Variants in SMARCC1 observed in about 807,000 individuals in gnomAD.
SMARCC1 encodes SWI/SNF related BAF chromatin remodeling complex subunit C1.
A neutral mutation model predicts 147.4 loss-of-function variants in SMARCC1; 43 were observed. The observed-to-expected ratio is 0.29, with a 90% CI of 0.23 to 0.38. SMARCC1 has a LOEUF of 0.38. SMARCC1 is among the 10% of genes least tolerant of loss of function. The pLI is 1.00. For synonymous variants in SMARCC1, 495 were observed against 484.4 expected (o/e 1.02, Z -0.29); for missense variants, 1,119 against 1,381.1 (o/e 0.81, Z 3.01).
intron 22 of SMARCC1, among the ~76,000 whole-genome samples, chr3:47,637,382 G>A (rs1212075123): frequency 1.3e-5 from 2 of 152,030 alleles, no homozygotes; most frequent in East Asian, 3.9e-4. Flanking sequence ...AATAGTGACT[G>A]ACTGATCCCT....
At chr3:47,698,982 T>C (rs1344376885) in intron 11 of SMARCC1, among the ~76,000 whole-genome samples, 34 of 152,274 alleles carry the variant, frequency 2.2e-4, no homozygotes, top group Admixed American at 2.2e-3. Flanking sequence ...AATACCTATG[T>C]GGGGAATAAA....
At chr3:47,633,231 T>G (rs1310759790) in intron 24 of SMARCC1, among the ~76,000 whole-genome samples, 1 of 152,140 alleles carries the variant, frequency 6.6e-6, no homozygotes, top group African/African-American at 2.4e-5. Flanking sequence ...GGCTGCGGGT[T>G]AGAGAATGGG....
intron 25 of SMARCC1, among the ~76,000 whole-genome samples, chr3:47,612,854 G>C (rs1229973297): frequency 6.6e-6 from 1 of 152,182 alleles, no homozygotes; most frequent in African/African-American, 2.4e-5. Flanking sequence ...TATGAGTTGA[G>C]AGCAATGCCC....
chr3:47,650,073 G>A (rs1576398820), intron 21 of SMARCC1, among the ~76,000 whole-genome samples: 1 of 151,636 alleles, frequency 6.6e-6, no homozygotes, highest in Non-Finnish European at 1.5e-5. Flanking sequence ...TCAGGAGATC[G>A]AGATCATCCT....
intron 3 of SMARCC1, among the ~76,000 whole-genome samples, chr3:47,741,750 A>C (rs1237418103): frequency 6.6e-6 from 1 of 151,746 alleles, no homozygotes. Context: ...TTATTTTACT[A>C]TTATTTTAAA....
chr3:47,728,078 CTTT>C (rs1166964500), intron 6 of SMARCC1, among the ~76,000 whole-genome samples: 6 of 56,874 alleles, frequency 1.1e-4, no homozygotes, highest in East Asian at 7.0e-4. Context: ...TTATTAGTCC[CTTT>C]TTTTTTTTTT....
chr3:47,772,754 T>A (rs2034929966), intron 2 of SMARCC1, 63 bp downstream of exon 2: 1 of 1,430,666 alleles, frequency 7.0e-7, no homozygotes, highest in Admixed American at 2.2e-5. Flanking sequence ...AAAAGCTGGA[T>A]GCTACACCTA....
intron 2 of SMARCC1, among the ~76,000 whole-genome samples, chr3:47,765,192 A>G (rs1464245977): frequency 2.0e-5 from 3 of 151,944 alleles, no homozygotes; most frequent in Non-Finnish European, 2.9e-5. Context: ...CAGAGGTTGC[A>G]GTAAGCCGAG....
At chr3:47,592,015 C>G (rs2032191533) in intron 26 of SMARCC1, among the ~76,000 whole-genome samples, 2 of 152,144 alleles carry the variant, frequency 1.3e-5, no homozygotes, top group Admixed American at 6.5e-5. Flanking sequence ...CTGTATGAAA[C>G]TGAATATAGG....
intron 2 of SMARCC1, among the ~76,000 whole-genome samples, chr3:47,766,549 G>A (rs2034843078): frequency 6.6e-6 from 1 of 152,128 alleles, no homozygotes; most frequent in Non-Finnish European, 1.5e-5. Context: ...ACTCCAGCCT[G>A]AGTGACAGAG....
intron 2 of SMARCC1, among the ~76,000 whole-genome samples, chr3:47,766,372 T>G (rs2034839667): frequency 6.6e-6 from 1 of 150,824 alleles, no homozygotes; most frequent in African/African-American, 2.4e-5. Context: ...TCGAGAACAG[T>G]CTGGGCAACA....
intron 14 of SMARCC1, among the ~76,000 whole-genome samples, chr3:47,685,331 T>G (rs899694850): frequency 6.6e-6 from 1 of 152,168 alleles, no homozygotes; most frequent in Non-Finnish European, 1.5e-5. Context: ...AACGGAAAAT[T>G]ATGAATTGTT....
At chr3:47,667,173 C>G (rs2033430791) in intron 19 of SMARCC1, among the ~76,000 whole-genome samples, 1 of 151,892 alleles carries the variant, frequency 6.6e-6, no homozygotes, top group Non-Finnish European at 1.5e-5. Context: ...AAAAAATTAG[C>G]CGGGCATGGT....
intron 12 of SMARCC1, among the ~76,000 whole-genome samples, chr3:47,691,845 C>T (rs1181099747): frequency 6.6e-6 from 1 of 151,840 alleles, no homozygotes; most frequent in African/African-American, 2.4e-5. Flanking sequence ...ACTAATAATA[C>T]AAAAATTAGC....
At chr3:47,769,504 G>C (rs925055218) in intron 2 of SMARCC1, among the ~76,000 whole-genome samples, 4 of 152,022 alleles carry the variant, frequency 2.6e-5, no homozygotes, top group Non-Finnish European at 5.9e-5. Context: ...TGGGATTACA[G>C]GCATGAGCCA....
At chr3:47,746,999 T>A (rs1365965125) in intron 2 of SMARCC1, among the ~76,000 whole-genome samples, 1 of 151,938 alleles carries the variant, frequency 6.6e-6, no homozygotes, top group Non-Finnish European at 1.5e-5. Flanking sequence ...CAAAGTGCTG[T>A]GATTACAGGC....
chr3:47,732,039 T>C (rs150058116), intron 5 of SMARCC1, among the ~76,000 whole-genome samples: 3 of 152,352 alleles, frequency 2.0e-5, no homozygotes, highest in Admixed American at 6.5e-5. Context: ...TTCATTTACA[T>C]TGAACATCTG....
intron 26 of SMARCC1, among the ~76,000 whole-genome samples, chr3:47,593,460 C>T (rs986324935): frequency 6.6e-5 from 10 of 152,176 alleles, no homozygotes; most frequent in African/African-American, 2.4e-4. Flanking sequence ...GCGTGAGCCA[C>T]CGCGCCTGGC....
intron 1 of SMARCC1, among the ~76,000 whole-genome samples, chr3:47,777,090 T>A (rs572133156): frequency 9.0e-4 from 129 of 143,310 alleles, no homozygotes; most frequent in African/African-American, 3.1e-3. Flanking sequence ...AAATATTTAT[T>A]TTTTTTTTTT....
Sources: gnomAD v4.1 joint callset for allele counts (sites outside exome capture counted in the v4.1 genomes callset) on GRCh38, gnomAD v4.1.1 for gene constraint, MANE v1.5 for transcripts, NCBI Gene and HGNC (gene_info 2026-07-23, HGNC 2026-07-21) for gene names.